The following ADGRV1 variants were observed in gnomAD, a reference collection of about 807,000 sequenced individuals.
ADGRV1 encodes the protein adhesion G protein-coupled receptor V1, also known as G-protein coupled receptor 98.
Under a neutral mutation model 596.2 loss-of-function variants are expected in ADGRV1, and 359 were observed. That is an observed-to-expected ratio of 0.60 (90% CI 0.55 to 0.66). The LOEUF is 0.66. Ranked by LOEUF, ADGRV1 falls within the 30% of genes least tolerant of loss-of-function variation. The probability of loss-of-function intolerance (pLI) is 0.00; values close to 1 mark genes in which losing one functional copy is unlikely to be tolerated. For synonymous variants in ADGRV1, 2,681 were observed against 2,679.2 expected (o/e 1.00, Z -0.02); for missense variants, 7,274 against 7,575.6 (o/e 0.96, Z 1.48).
intron 45 of ADGRV1, among the ~76,000 whole-genome samples, chr5:90,724,374 C>T (rs762193233): frequency 5.3e-5 from 8 of 152,012 alleles, no homozygotes; most frequent in Non-Finnish European, 7.4e-5. Flanking sequence ...GTATTACAGG[C>T]GCACACCATC....
chr5:90,675,210 G>A, intron 23 of ADGRV1, 33 bp from the exon 24 acceptor site: 1 of 1,582,036 alleles, frequency 6.3e-7, no homozygotes, highest in African/African-American at 1.3e-5. Context: ...ACAGTTCATT[G>A]GGACAATGCC....
At chr5:90,649,281 C>T (rs1303266100) in intron 17 of ADGRV1, among the ~76,000 whole-genome samples, 13 of 151,954 alleles carry the variant, frequency 8.6e-5, no homozygotes, top group Non-Finnish European at 7.4e-5. Context: ...GGATTACAGG[C>T]GTGAAAAATG....
chr5:90,718,529 C>A (rs888828031), intron 43 of ADGRV1: 1 of 152,012 alleles, frequency 6.6e-6, no homozygotes, highest in Non-Finnish European at 1.5e-5. Flanking sequence ...AGATTTAAAG[C>A]TATTTTGTCT....
At chr5:91,150,445 T>C (rs1795958814) in intron 88 of ADGRV1, among the ~76,000 whole-genome samples, 2 of 152,156 alleles carry the variant, frequency 1.3e-5, no homozygotes, top group Admixed American at 1.3e-4. Flanking sequence ...TCACACCCAT[T>C]ATCTAATTCT....
Position 90,705,432 on chromosome 5 carries a change from G to T in ADGRV1, c.8419G>T (p.Ala2807Ser). ...VPPAGIALLDAQGYAAVLTVE... is the reference protein window; with the variant it reads ...VPPAGIALLDSQGYAAVLTVE... ...ACCAGCCGGAATCGCCCTGCTTGAT[G>T]CTCAAGGATATGCAGCTGTCCTCAC... Residue 2807 changes from alanine to serine, a missense_variant, in exon 37 of 90, where the codon GCT becomes TCT. Physicochemically the swap from Ala to Ser is moderately conservative, Grantham distance 99. Around this residue, in one of 5 missense-constraint regions of ADGRV1, gnomAD observed 3,643 missense variants for 3,809.2 expected, o/e 0.96. Coordinates refer to ENST00000405460, the MANE Select transcript of ADGRV1 (RefSeq NM_032119.4). 2 of 1,613,890 alleles carry T rather than the reference G, an allele frequency of 1.2e-6. No individual in the cohort carries two copies. The highest frequency in any genetic ancestry group is 4.5e-5 in the East Asian group (2 of 44,880).
At chr5:91,160,307 G>C (rs1254621113) in intron 89 of ADGRV1, among the ~76,000 whole-genome samples, 1 of 152,180 alleles carries the variant, frequency 6.6e-6, no homozygotes, top group African/African-American at 2.4e-5. Context: ...GCCCAGTGTA[G>C]TAAACAAAGT....
intron 79 of ADGRV1, 93 bp downstream of exon 79, chr5:90,848,914 G>A (rs1766192578): frequency 2.3e-6 from 2 of 877,092 alleles, no homozygotes; most frequent in South Asian, 1.8e-5. Context: ...TTTAGATGAT[G>A]TAACTAAGAA....
chr5:90,693,251 G>T (rs974245947), intron 32 of ADGRV1, among the ~76,000 whole-genome samples: 3 of 151,564 alleles, frequency 2.0e-5, no homozygotes, highest in Admixed American at 6.6e-5. Context: ...GGAATTGATT[G>T]CAGGTCCTTG....
Position 90,704,873 on chromosome 5 carries a change from C to T in ADGRV1, c.8386+385C>T, listed in dbSNP as rs548204576. 3.3e-5 allele frequency among the ~76,000 whole-genome samples: 5 copies of T among 152,002 alleles called. No individual in the cohort carries two copies. The South Asian group carries it at 6.2e-4, about 19-fold the overall frequency. On this transcript the variant is annotated intron_variant, in intron 36 of 89. Transcript: ENST00000405460. Reference sequence around the variant, plus strand: ...GTCACCAGGCTGGAGTGCAGTGGCGCGATCTCGGTTCACTGCAGCCGCCGC... The same window carrying T: ...GTCACCAGGCTGGAGTGCAGTGGCGTGATCTCGGTTCACTGCAGCCGCCGC...
intron 83 of ADGRV1, among the ~76,000 whole-genome samples, chr5:90,911,075 G>A (rs1419484583): frequency 6.6e-6 from 1 of 152,122 alleles, no homozygotes; most frequent in Non-Finnish European, 1.5e-5. Flanking sequence ...AGTAATTCGT[G>A]TGTTTTCTGT....
At chr5:90,984,842 A>T (rs528986039) in intron 84 of ADGRV1, among the ~76,000 whole-genome samples, 1 of 152,304 alleles carries the variant, frequency 6.6e-6, no homozygotes, top group Admixed American at 6.5e-5. Context: ...TACACCTTCC[A>T]CTGGACACTG....
chr5:91,148,804 G>T (rs1448320267), intron 87 of ADGRV1, among the ~76,000 whole-genome samples: 1 of 152,160 alleles, frequency 6.6e-6, no homozygotes. Flanking sequence ...CTGGGAGGGG[G>T]TCTGTAATGT....
chr5:90,707,811 C>T (rs1011058481), intron 38 of ADGRV1, among the ~76,000 whole-genome samples: 6 of 151,884 alleles, frequency 4.0e-5, no homozygotes, highest in Non-Finnish European at 8.8e-5. Flanking sequence ...TCTTTGCAAC[C>T]TTTTCTGCTC....
At chr5:90,628,977 T>A in intron 8 of ADGRV1, 145 bp downstream of exon 8, 1 of 762,824 alleles carries the variant, frequency 1.3e-6, no homozygotes, top group Non-Finnish European at 2.0e-6. Flanking sequence ...TCTTACTCAG[T>A]ATTCCTTCTG....
At chr5:90,892,705 C>A (rs35265178) in intron 83 of ADGRV1, among the ~76,000 whole-genome samples, 5,287 of 152,208 alleles carry the variant, frequency 0.035, 143 homozygotes, top group Non-Finnish European at 0.056. Context: ...TTTTCTGTTA[C>A]AAAATATGAG....
intron 13 of ADGRV1, among the ~76,000 whole-genome samples, chr5:90,643,368 G>A (rs1210941316): frequency 1.3e-5 from 2 of 151,598 alleles, no homozygotes; most frequent in Non-Finnish European, 2.9e-5. Context: ...TTAATGATGT[G>A]GTTTTAAACT....
rs34385706 is a variant in ADGRV1 at position 91,025,338 on chromosome 5, A to AT, written c.18152+39829dup. Among the ~76,000 whole-genome samples, 772 of 148,082 alleles carry AT rather than the reference A, an allele frequency of 5.2e-3. 3 individuals are homozygous for AT. Among genetic ancestry groups the AT allele is most frequent in the African/African-American group, 0.014 (570 of 40,570 alleles). On this transcript the variant is annotated intron_variant, in intron 85 of 89. Transcript: ENST00000405460. ...AATATTGCCTAAGGGCAAAAGGAAG[A>AT]TTTTTTTTTTTTTAGGCCATGTCTT...
At chr5:90,583,116 G>A (rs1758282907) in intron 1 of ADGRV1, among the ~76,000 whole-genome samples, 1 of 152,104 alleles carries the variant, frequency 6.6e-6, no homozygotes, top group Non-Finnish European at 1.5e-5. Context: ...TAGTATTTAA[G>A]TAGTAAAGTC....
chr5:90,782,056 T>C (rs1581105662), intron 65 of ADGRV1, among the ~76,000 whole-genome samples: 1 of 152,140 alleles, frequency 6.6e-6, no homozygotes, highest in East Asian at 1.9e-4. Context: ...TTCTTTCCTC[T>C]TGTAGAAGCA....
Sources: allele counts gnomAD v4.1 joint callset (sites outside exome capture counted in the v4.1 genomes callset), GRCh38; gene constraint gnomAD v4.1.1; regional missense constraint gnomAD v4.1.1; transcripts MANE v1.5; gene names NCBI Gene and HGNC (gene_info 2026-07-23, HGNC 2026-07-21).